JADE2: variants seen among roughly 807,000 people sequenced by gnomAD.
JADE2 encodes the protein E3 ubiquitin-protein ligase Jade-2.
A neutral mutation model predicts 85.7 loss-of-function variants in JADE2; 13 were observed. The observed-to-expected ratio is 0.15, with a 90% CI of 0.10 to 0.24. The LOEUF is 0.24. JADE2 is among the 10% of genes least tolerant of loss of function. The probability of loss-of-function intolerance (pLI) is 1.00; values close to 1 mark genes in which losing one functional copy is unlikely to be tolerated. For synonymous variants in JADE2, 440 were observed against 456.1 expected (o/e 0.96, Z 0.45); for missense variants, 846 against 1,115.9 (o/e 0.76, Z 3.45).
chr5:134,561,774 A>G (rs1763337579), intron 6 of JADE2, among the ~76,000 whole-genome samples: 1 of 152,224 alleles, frequency 6.6e-6, no homozygotes, highest in Non-Finnish European at 1.5e-5. Flanking sequence ...CACCCAAGCC[A>G]TAGAGGGGTG....
At chr5:134,575,271 C>CT (rs1764283453) in intron 10 of JADE2, 1 of 152,358 alleles carries the variant, frequency 6.6e-6, no homozygotes, top group East Asian at 1.9e-4. Flanking sequence ...GGGACATGGG[C>CT]TGTGTGCATA....
intron 9 of JADE2, among the ~76,000 whole-genome samples, chr5:134,568,436 G>A (rs542897625): frequency 2.0e-5 from 3 of 152,340 alleles, no homozygotes; most frequent in Non-Finnish European, 2.9e-5. Flanking sequence ...GCTGGTTCAG[G>A]TGGAGCCTGG....
chr5:134,546,163 TTTG>T (rs1762284879), intron 3 of JADE2, among the ~76,000 whole-genome samples: 3 of 110,468 alleles, frequency 2.7e-5, no homozygotes, highest in South Asian at 5.5e-4. Flanking sequence ...TTTTTGTTTG[TTTG>T]TTTGTTTGTT....
intron 9 of JADE2, among the ~76,000 whole-genome samples, chr5:134,572,483 G>T (rs561859950): frequency 1.3e-5 from 2 of 152,220 alleles, no homozygotes; most frequent in South Asian, 2.1e-4. Flanking sequence ...ACAGGCAGGG[G>T]GTCTGGAACC....
At chr5:134,547,557 A>G (rs935839006) in intron 3 of JADE2, among the ~76,000 whole-genome samples, 37 of 152,222 alleles carry the variant, frequency 2.4e-4, no homozygotes, top group African/African-American at 8.9e-4. Flanking sequence ...TAAATCATTC[A>G]AAGGAGTTTT....
At chr5:134,548,280 A>G (rs1762408546) in intron 3 of JADE2, among the ~76,000 whole-genome samples, 1 of 152,228 alleles carries the variant, frequency 6.6e-6, no homozygotes, top group South Asian at 2.1e-4. Flanking sequence ...CAGTGAGCAC[A>G]TGGCCAAAAG....
intron 3 of JADE2, among the ~76,000 whole-genome samples, chr5:134,542,536 G>A (rs1030433090): frequency 6.6e-6 from 1 of 151,176 alleles, no homozygotes; most frequent in Non-Finnish European, 1.5e-5. Context: ...CTGCCTCCTG[G>A]GTTCAAGTGA....
intron 3 of JADE2, among the ~76,000 whole-genome samples, chr5:134,541,082 G>A (rs1761933697): frequency 6.6e-6 from 1 of 152,212 alleles, no homozygotes; most frequent in Admixed American, 6.5e-5. Flanking sequence ...TCCAAGCCCA[G>A]GAGCCTCCGC....
At chr5:134,574,140 C>T (rs1764218555) in intron 10 of JADE2, 1 of 330,452 alleles carries the variant, frequency 3.0e-6, no homozygotes, top group Non-Finnish European at 5.8e-6. Context: ...CTTCCCTGAA[C>T]CCTGGTGTGC....
In JADE2 at chr5:134,580,563, G is replaced by A. The variant is rs536416242; in HGVS notation, c.*1246G>A. The A allele has an allele frequency of 5.9e-5, 9 of 151,640 alleles. No individual in the cohort carries two copies. The highest frequency in any genetic ancestry group is 1.9e-4 in the East Asian group (1 of 5,156). 9.4% of individuals were successfully genotyped at this position (151,640 alleles called of 1,614,324 possible). A position where few individuals can be genotyped will look rare whatever the true frequency, so the allele number is the denominator to read the frequency against. On this transcript the variant is annotated 3_prime_UTR_variant, in exon 12 of 12. Coordinates refer to ENST00000681547, the MANE Select transcript of JADE2 (RefSeq NM_001388185.1). The stretch of plus-strand genomic sequence containing the variant: ...CAGGGAACAACAAAAAAGGAATTCC[G>A]TGAAAACATTTTTTTTTCTTTGATG...
chr5:134,526,127 CCT>C (rs1445822742), intron 1 of JADE2, 116 bp downstream of exon 1: 10 of 985,356 alleles, frequency 1.0e-5, no homozygotes, highest in Non-Finnish European at 1.2e-5. Context: ...TCGCTCGCTC[CCT>C]CTCTCTCCTG....
chr5:134,555,440 G>A (rs542189779), intron 4 of JADE2, among the ~76,000 whole-genome samples: 1 of 152,356 alleles, frequency 6.6e-6, no homozygotes, highest in East Asian at 1.9e-4. Flanking sequence ...CTAGGGTCAG[G>A]TCAGTCCATG....
rs767301717 is a variant in JADE2 at position 134,564,553 on chromosome 5, C to G, written c.912C>G (p.Ala304=). The change falls in exon 8 of 12, where the codon GCC becomes GCG. Residue 304 remains alanine (A), a synonymous_variant. Coordinates refer to ENST00000681547, the MANE Select transcript of JADE2 (RefSeq NM_001388185.1). ...EPITKISHIP[A]SRWALSCSLC... is the part of the protein sequence containing the mutation. ...TCACCAAGATCTCGCATATCCCAGCCAGCCGCTGGGCTCTGTCCTGCAGCC... is the reference window on the plus strand; with the variant it reads ...TCACCAAGATCTCGCATATCCCAGCGAGCCGCTGGGCTCTGTCCTGCAGCC... 121 of 1,574,774 alleles carry G rather than the reference C, an allele frequency of 7.7e-5. No individual in the cohort carries two copies. Among genetic ancestry groups the G allele is most frequent in the Admixed American group, 1.5e-4 (8 of 53,664 alleles).
Position 134,562,133 on chromosome 5 carries a change from A to C in JADE2, c.685-67A>C. The C allele has an allele frequency of 6.7e-7, 1 of 1,492,982 alleles. No individual in the cohort carries two copies. Among genetic ancestry groups the C allele is most frequent in the Non-Finnish European group, 9.1e-7 (1 of 1,102,182 alleles). 92.5% of individuals were successfully genotyped at this position (1,492,982 alleles called of 1,614,324 possible). On this transcript the variant is annotated intron_variant, in intron 6 of 11. Transcript: ENST00000681547. The surrounding 1 kb of genome is among the most constrained non-coding windows in gnomAD (Gnocchi z 4.6). ...ATGGGGCTGGCACTGGACCAAATGC[A>C]GCTGACTGCTGACCAGACACAGATT...
Position 134,562,433 on chromosome 5 carries a change from T to G in JADE2, c.852+66T>G, listed in dbSNP as rs1763380416. 1 of 1,469,476 alleles carries G rather than the reference T, an allele frequency of 6.8e-7. No individual in the cohort carries two copies. The highest frequency in any genetic ancestry group is 9.3e-7 in the Non-Finnish European group (1 of 1,073,286). The allele number at this position is 1,469,476 out of a possible 1,614,324, so 91.0% of individuals were successfully genotyped here. A position where few individuals can be genotyped will look rare whatever the true frequency, so the allele number is the denominator to read the frequency against. ...GTGGGGAAGTGGGTCTGCATGGGACTCAGGTAGCAGAGCACTGGGAAAAGA... is the reference window on the plus strand; with the variant it reads ...GTGGGGAAGTGGGTCTGCATGGGACGCAGGTAGCAGAGCACTGGGAAAAGA... On this transcript the variant is annotated intron_variant, in intron 7 of 11. Coordinates refer to ENST00000681547, the MANE Select transcript of JADE2 (RefSeq NM_001388185.1). The surrounding 1 kb of genome is among the most constrained non-coding windows in gnomAD (Gnocchi z 4.6).
At chr5:134,526,381 C>G (rs1385820621) in intron 1 of JADE2, 4 of 985,032 alleles carry the variant, frequency 4.1e-6, no homozygotes, top group Non-Finnish European at 4.8e-6. Flanking sequence ...AGGGCTGCAA[C>G]TTCCCCGCGG....
chr5:134,539,324 A>T (rs1761823499), intron 3 of JADE2, among the ~76,000 whole-genome samples: 1 of 151,904 alleles, frequency 6.6e-6, no homozygotes, highest in African/African-American at 2.4e-5. Context: ...TGGCCTCCCA[A>T]AGTGCTGGGA....
intron 5 of JADE2, among the ~76,000 whole-genome samples, chr5:134,560,266 A>G (rs976518918): frequency 6.6e-6 from 1 of 152,138 alleles, no homozygotes; most frequent in Admixed American, 6.5e-5. Flanking sequence ...GTTAGTGAGC[A>G]TGCAGGGGAG....
rs532201835 is a variant in JADE2 at position 134,562,769 on chromosome 5, CA to C, written c.852+406del. On this transcript the variant is annotated intron_variant, in intron 7 of 11. Transcript: ENST00000681547. The surrounding 1 kb of genome is among the most constrained non-coding windows in gnomAD (Gnocchi z 4.6). The stretch of plus-strand genomic sequence containing the variant: ...ACAGAGCAAGACTCCGTCTGAAAAA[CA>C]AAACAAAACAAAGCACACACTGGGA... Among the ~76,000 whole-genome samples, 1,032 of 151,842 alleles carry C rather than the reference CA, an allele frequency of 6.8e-3. 15 individuals carry two copies. Among genetic ancestry groups the C allele is most frequent in the Non-Finnish European group, 0.01 (706 of 67,922 alleles).
Sources: allele counts gnomAD v4.1 joint callset (sites outside exome capture counted in the v4.1 genomes callset), GRCh38; gene constraint gnomAD v4.1.1; non-coding constraint Gnocchi (gnomAD v3.1); transcripts MANE v1.5; gene names NCBI Gene and HGNC (gene_info 2026-07-23, HGNC 2026-07-21).